Variants in ECHDC1 observed in about 807,000 individuals in gnomAD.
ECHDC1 encodes ethylmalonyl-CoA decarboxylase 1, also known as ethylmalonyl-CoA decarboxylase.
A neutral mutation model predicts 29.7 loss-of-function variants in ECHDC1; 29 were observed. That is an observed-to-expected ratio of 0.98 (90% CI 0.73 to 1.33). The LOEUF (loss-of-function observed/expected upper bound fraction) is 1.33, where lower values mean the gene tolerates loss of function less well. ECHDC1 is among the 40% of genes most tolerant of loss of function. The pLI, the probability that ECHDC1 is intolerant of heterozygous loss-of-function variation, is 0.00. For synonymous variants in ECHDC1, 126 were observed against 123.1 expected (o/e 1.02, Z -0.15); for missense variants, 328 against 350.0 (o/e 0.94, Z 0.50).
intron 1 of ECHDC1, among the ~76,000 whole-genome samples, chr6:127,339,037 A>T (rs1428203359): frequency 6.6e-6 from 1 of 152,116 alleles, no homozygotes; most frequent in Non-Finnish European, 1.5e-5. Context: ...GAAGAGTATC[A>T]TTCCAAATAT....
chr6:127,315,446 T>C, intron 4 of ECHDC1: 1 of 234,058 alleles, frequency 4.3e-6, no homozygotes, highest in South Asian at 5.5e-5. Flanking sequence ...AAAGGCATGA[T>C]TTTGCAGTAA....
chr6:127,311,548 G>T (rs7449576), intron 5 of ECHDC1, among the ~76,000 whole-genome samples: 110,283 of 151,090 alleles, frequency 0.73, 40,407 homozygotes, highest in East Asian at 0.78. Flanking sequence ...GGTGGCAGGC[G>T]CCTGTAATCG....
intron 1 of ECHDC1, chr6:127,342,261 G>GC: frequency 7.5e-7 from 1 of 1,329,014 alleles, no homozygotes; most frequent in Non-Finnish European, 1.0e-6. Flanking sequence ...CATTTGCAGT[G>GC]CCTAAAGATA....
chr6:127,306,059 C>T (rs1464649976), intron 5 of ECHDC1, among the ~76,000 whole-genome samples: 1 of 139,594 alleles, frequency 7.2e-6, no homozygotes. Context: ...GTACCAGAAA[C>T]ACATTTCACC....
Position 127,314,910 on chromosome 6 carries a change from A to G in ECHDC1, c.417-14T>C. The G allele has an allele frequency of 1.2e-6, 2 of 1,604,356 alleles. No individual in the cohort carries two copies. The highest frequency in any genetic ancestry group is 1.7e-6 in the Non-Finnish European group (2 of 1,173,062). ...ATTAAAGGAAGTCTGTATATTGAAG[A>G]AAAAACTGATGTTACTATTTTTAAT... is the stretch of plus-strand genomic sequence containing the variant. On this transcript the variant is annotated splice_polypyrimidine_tract_variant and intron_variant, in intron 4 of 5. Coordinates refer to ENST00000454859, the MANE Select transcript of ECHDC1 (RefSeq NM_001002030.2).
chr6:127,327,216 A>G lies in ECHDC1; in HGVS notation c.221-72T>C, dbSNP rs1305098986. 5 of 1,530,000 alleles carry G rather than the reference A, an allele frequency of 3.3e-6. No homozygotes were observed. The African/African-American group carries it at 5.5e-5, about 17-fold the overall frequency. The allele number at this position is 1,530,000 out of a possible 1,614,324, so 94.8% of individuals were successfully genotyped here. On this transcript the variant is annotated intron_variant, in intron 2 of 5. Coordinates refer to ENST00000454859, the MANE Select transcript of ECHDC1 (RefSeq NM_001002030.2). The stretch of plus-strand genomic sequence containing the variant: ...GAAAAACAGAAATAATTTATAAATC[A>G]CAAGTGTCAAGCATACTCTTAGGTC...
chr6:127,310,898 T>C (rs1358729050), intron 5 of ECHDC1, among the ~76,000 whole-genome samples: 2 of 152,054 alleles, frequency 1.3e-5, no homozygotes, highest in African/African-American at 4.8e-5. Context: ...GCCATCAAAA[T>C]TGAGGCAAGA....
chr6:127,317,442 G>A (rs896385672), intron 3 of ECHDC1, among the ~76,000 whole-genome samples: 2 of 152,058 alleles, frequency 1.3e-5, no homozygotes, highest in Non-Finnish European at 2.9e-5. Flanking sequence ...CCAACTGAAA[G>A]TAAAAGAACT....
chr6:127,334,097 T>C (rs560838369), intron 1 of ECHDC1, among the ~76,000 whole-genome samples: 2 of 152,160 alleles, frequency 1.3e-5, no homozygotes. Flanking sequence ...CTACAAGACA[T>C]GAATCTCACA....
chr6:127,293,637 T>A (rs1780368376), intron 5 of ECHDC1, among the ~76,000 whole-genome samples: 1 of 152,158 alleles, frequency 6.6e-6, no homozygotes, highest in African/African-American at 2.4e-5. Flanking sequence ...TTTTAAAAAA[T>A]TGTGTGAAAT....
At chr6:127,337,056 A>C (rs1242286976) in intron 1 of ECHDC1, among the ~76,000 whole-genome samples, 1 of 151,842 alleles carries the variant, frequency 6.6e-6, no homozygotes, top group Non-Finnish European at 1.5e-5. Flanking sequence ...AATTCTCATC[A>C]GATGGGTTTT....
chr6:127,289,910 T>A lies in ECHDC1; in HGVS notation c.865A>T (p.Asn289Tyr). The change falls in exon 6 of 6, where the codon AAT becomes TAT. Residue 289 changes from asparagine (N) to tyrosine (Y), a missense_variant. Coordinates refer to ENST00000454859, the MANE Select transcript of ECHDC1 (RefSeq NM_001002030.2). ...CCTTTCTTAGCAATAGCCTCTAAAT[T>A]TGCAGGCCCACCCCAAACTGTTCCT... ...LLGTVWGGPA[N>Y]LEAIAKKGKF... 6.2e-7 allele frequency: 1 copy of A among 1,612,196 alleles called. No individual in the cohort carries two copies. The highest frequency in any genetic ancestry group is 1.1e-5 in the South Asian group (1 of 90,806).
chr6:127,297,277 A>G (rs562858957), intron 5 of ECHDC1, among the ~76,000 whole-genome samples: 9 of 152,254 alleles, frequency 5.9e-5, no homozygotes, highest in Non-Finnish European at 8.8e-5. Flanking sequence ...AAGATATGCC[A>G]TTAGTATTAC....
At chr6:127,320,261 C>A (rs1782732772) in intron 3 of ECHDC1, among the ~76,000 whole-genome samples, 1 of 152,148 alleles carries the variant, frequency 6.6e-6, no homozygotes, top group Non-Finnish European at 1.5e-5. Context: ...AGGTGATCTG[C>A]CCACCTCGGC....
chr6:127,321,665 G>A (rs529525533), intron 3 of ECHDC1, among the ~76,000 whole-genome samples: 1 of 152,208 alleles, frequency 6.6e-6, no homozygotes, highest in East Asian at 1.9e-4. Flanking sequence ...TTTCATTAAA[G>A]GATAATAAAG....
intron 2 of ECHDC1, among the ~76,000 whole-genome samples, chr6:127,330,070 A>G (rs1343775503): frequency 6.6e-6 from 1 of 152,228 alleles, no homozygotes; most frequent in Non-Finnish European, 1.5e-5. Context: ...GAAGTGCATA[A>G]CTGAAAAGGA....
intron 4 of ECHDC1, chr6:127,315,219 C>T: frequency 2.1e-6 from 1 of 475,668 alleles, no homozygotes; most frequent in Non-Finnish European, 4.0e-6. Context: ...TAATTTACAG[C>T]TCCTGGAACT....
intron 1 of ECHDC1, among the ~76,000 whole-genome samples, chr6:127,335,910 C>T (rs1562335803): frequency 6.6e-6 from 1 of 152,072 alleles, no homozygotes; most frequent in Non-Finnish European, 1.5e-5. Context: ...ATCCCATCAC[C>T]TGTTCTGTCA....
intron 1 of ECHDC1, among the ~76,000 whole-genome samples, chr6:127,341,838 T>C (rs1373180967): frequency 6.6e-6 from 1 of 152,210 alleles, no homozygotes; most frequent in African/African-American, 2.4e-5. Flanking sequence ...AAGAAAACAA[T>C]TAGCCTAGAG....
Sources: allele counts gnomAD v4.1 joint callset (sites outside exome capture counted in the v4.1 genomes callset), GRCh38; gene constraint gnomAD v4.1.1; transcripts MANE v1.5; gene names NCBI Gene and HGNC (gene_info 2026-07-23, HGNC 2026-07-21).